The following DLGAP4 variants were observed in gnomAD, a reference collection of about 807,000 sequenced individuals.
DLGAP4 encodes the protein disks large-associated protein 4.
Under a neutral mutation model 86.9 loss-of-function variants are expected in DLGAP4, and 18 were observed. That is an observed-to-expected ratio of 0.21 (90% CI 0.14 to 0.31). DLGAP4 has a LOEUF of 0.31. DLGAP4 is among the 10% of genes least tolerant of loss of function. The probability of loss-of-function intolerance (pLI) is 1.00; values close to 1 mark genes in which losing one functional copy is unlikely to be tolerated. For synonymous variants in DLGAP4, 548 were observed against 574.3 expected (o/e 0.95, Z 0.65); for missense variants, 1,085 against 1,362.6 (o/e 0.80, Z 3.21).
At chr20:36,427,815 T>TAC (rs2033019560) in intron 2 of DLGAP4, among the ~76,000 whole-genome samples, 1 of 151,580 alleles carries the variant, frequency 6.6e-6, no homozygotes, top group Non-Finnish European at 1.5e-5. Flanking sequence ...TGGTGGTGCG[T>TAC]GCCTATAATC....
chr20:36,432,200 G>A lies in DLGAP4; in HGVS notation c.483G>A (p.Ala161=), dbSNP rs759799997. 1.7e-5 allele frequency: 28 copies of A among 1,614,020 alleles called. No homozygotes were observed. Among genetic ancestry groups the A allele is most frequent in the East Asian group, 2.2e-5 (1 of 44,902 alleles). Residue 161 remains alanine, a synonymous_variant, in exon 3 of 13, where the codon GCG becomes GCA. Transcript: ENST00000339266. This position sits in a 1 kb window ranked among gnomAD's most constrained non-coding sequence, Gnocchi z 6.5. ...FTKAPSLEGT[A]GKVGGNGSKK... is the part of the protein sequence containing the mutation. ...AGGCACCCTCACTGGAGGGCACAGCGGGCAAGGTCGGTGGCAATGGCAGCA... is the reference window on the plus strand; with the variant it reads ...AGGCACCCTCACTGGAGGGCACAGCAGGCAAGGTCGGTGGCAATGGCAGCA...
chr20:36,464,850 CAAA>C (rs745819855), intron 7 of DLGAP4, among the ~76,000 whole-genome samples: 3 of 129,180 alleles, frequency 2.3e-5, no homozygotes, highest in Non-Finnish European at 5.0e-5. Flanking sequence ...AACTCTGTCT[CAAA>C]AAAAAAAAAA....
intron 1 of DLGAP4, among the ~76,000 whole-genome samples, chr20:36,340,075 A>C (rs923536954): frequency 9.9e-5 from 15 of 152,110 alleles, no homozygotes. Flanking sequence ...TATGCTAATC[A>C]ACCCTGTGGG....
At chr20:36,406,225 T>C (rs1052529102) in intron 2 of DLGAP4, among the ~76,000 whole-genome samples, 1 of 151,908 alleles carries the variant, frequency 6.6e-6, no homozygotes, top group Non-Finnish European at 1.5e-5. Context: ...GGTGAAACCC[T>C]GTCTCTACTA....
At chr20:36,349,862 T>C (rs1348055720) in intron 1 of DLGAP4, among the ~76,000 whole-genome samples, 2 of 152,174 alleles carry the variant, frequency 1.3e-5, no homozygotes, top group Admixed American at 1.3e-4. Flanking sequence ...GGAAACTAAA[T>C]TCCCCAAGGT....
At chr20:36,354,618 A>T (rs918914597) in intron 1 of DLGAP4, among the ~76,000 whole-genome samples, 3 of 151,916 alleles carry the variant, frequency 2.0e-5, no homozygotes, top group Non-Finnish European at 4.4e-5. Context: ...CTGCATCTCC[A>T]CTAGCCTTTT....
In DLGAP4 at chr20:36,432,368, C is replaced by T. The variant is rs1357050767; in HGVS notation, c.651C>T (p.Ala217=). 3 of 1,613,616 alleles carry T rather than the reference C, an allele frequency of 1.9e-6. No homozygotes were observed. The highest frequency in any genetic ancestry group is 2.5e-6 in the Non-Finnish European group (3 of 1,180,036). The part of the protein sequence containing the change: ...SDDNLDGEAG[A]FRSSGPASGL... ...ACAACTTGGACGGCGAGGCCGGCGC[C>T]TTCCGCAGCAGTGGCCCAGCCTCTG... Residue 217 remains alanine (A), a synonymous_variant, in exon 3 of 13, where the codon GCC becomes GCT. Coordinates refer to ENST00000339266, the MANE Select transcript of DLGAP4 (RefSeq NM_001365621.2). This position sits in a 1 kb window ranked among gnomAD's most constrained non-coding sequence, Gnocchi z 6.5.
At chr20:36,481,920 G>A (rs188217485) in intron 7 of DLGAP4, among the ~76,000 whole-genome samples, 59 of 152,190 alleles carry the variant, frequency 3.9e-4, no homozygotes, top group African/African-American at 9.4e-4. Context: ...CACATATGCC[G>A]CTTTTCTTGT....
chr20:36,502,729 TA>T (rs376635601), intron 10 of DLGAP4, among the ~76,000 whole-genome samples: 3 of 152,310 alleles, frequency 2.0e-5, no homozygotes, highest in African/African-American at 7.2e-5. Context: ...TCATTTTTTT[TA>T]TTTTTATTTT....
chr20:36,406,779 G>A (rs2032336427), intron 2 of DLGAP4, among the ~76,000 whole-genome samples: 1 of 152,164 alleles, frequency 6.6e-6, no homozygotes. Context: ...GCAGTGGGCT[G>A]CAGACCCTGG....
At chr20:36,525,662 C>G in intron 11 of DLGAP4, 189 bp from the exon 12 acceptor site, 1 of 714,468 alleles carries the variant, frequency 1.4e-6, no homozygotes, top group South Asian at 1.9e-5. Flanking sequence ...CCAAAGATCC[C>G]CACCACTAGG....
chr20:36,526,097 C>G (rs914534602), intron 12 of DLGAP4, 91 bp downstream of exon 12: 1 of 1,579,852 alleles, frequency 6.3e-7, no homozygotes, highest in Non-Finnish European at 8.7e-7. Context: ...GCTTGGCTCC[C>G]TTCTCCGTGT....
At chr20:36,369,532 G>A (rs528543910) in intron 2 of DLGAP4, among the ~76,000 whole-genome samples, 335 of 152,256 alleles carry the variant, frequency 2.2e-3, no homozygotes, top group African/African-American at 7.8e-3. Flanking sequence ...GACAGAGGTT[G>A]CAGTAGCCAC....
chr20:36,431,439 C>T lies in DLGAP4; in HGVS notation c.-72-207C>T, dbSNP rs751256089. 1.3e-5 allele frequency among the ~76,000 whole-genome samples: 2 copies of T among 152,108 alleles called. No individual in the cohort carries two copies. Among genetic ancestry groups the T allele is most frequent in the Admixed American group, 6.6e-5 (1 of 15,266 alleles). On this transcript the variant is annotated intron_variant, in intron 2 of 12. Coordinates refer to ENST00000339266, the MANE Select transcript of DLGAP4 (RefSeq NM_001365621.2). This position sits in a 1 kb window ranked among gnomAD's most constrained non-coding sequence, Gnocchi z 5.1. ...AGCTAGAAGAATGGAAGATGTTGTG[C>T]TTGTCTGATAGTCGGTAGCTTGAGT...
At chr20:36,524,194 T>C in intron 10 of DLGAP4, 56 bp from the exon 11 acceptor site, 1 of 1,429,212 alleles carries the variant, frequency 7.0e-7, no homozygotes, top group Non-Finnish European at 9.9e-7. Context: ...CATGATGCCA[T>C]CCCACCAAAC....
At chr20:36,464,913 G>T (rs889802342) in intron 7 of DLGAP4, among the ~76,000 whole-genome samples, 8 of 151,462 alleles carry the variant, frequency 5.3e-5, no homozygotes, top group African/African-American at 1.9e-4. Context: ...AACCACAAAC[G>T]CCTGGTTTTA....
intron 7 of DLGAP4, among the ~76,000 whole-genome samples, chr20:36,491,560 T>C (rs1372651636): frequency 6.6e-6 from 1 of 151,722 alleles, no homozygotes; most frequent in East Asian, 1.9e-4. Context: ...CCCATGCATG[T>C]GTAAAGGCTT....
intron 2 of DLGAP4, among the ~76,000 whole-genome samples, chr20:36,397,589 T>G (rs539842306): frequency 6.6e-6 from 1 of 152,146 alleles, no homozygotes; most frequent in South Asian, 2.1e-4. Flanking sequence ...ATATAAACAC[T>G]GAAGACTATA....
chr20:36,521,358 AG>A (rs537778935), intron 10 of DLGAP4, among the ~76,000 whole-genome samples: 2 of 152,196 alleles, frequency 1.3e-5, no homozygotes, highest in Admixed American at 1.3e-4. Context: ...TCTTTTTAGT[AG>A]TTTTTCTTTT....
Sources: gnomAD v4.1 joint callset for allele counts (sites outside exome capture counted in the v4.1 genomes callset) on GRCh38, gnomAD v4.1.1 for gene constraint, Gnocchi (gnomAD v3.1) non-coding constraint, MANE v1.5 for transcripts, NCBI Gene and HGNC (gene_info 2026-07-23, HGNC 2026-07-21) for gene names.